The following POF1B variants were observed in gnomAD, a reference collection of about 807,000 sequenced individuals.
The protein encoded by POF1B is POF1B actin binding protein, also known as protein POF1B.
POF1B carries 53 observed loss-of-function variants against 55.3 expected under a neutral mutation model. The ratio of observed to expected loss-of-function variants is 0.96; its 90% CI spans 0.77 to 1.20. The LOEUF (loss-of-function observed/expected upper bound fraction) is 1.20, where lower values mean the gene tolerates loss of function less well. Among genes scored for constraint, POF1B ranks in the 50% most tolerant of loss-of-function variants. POF1B has a pLI of 0.00. For synonymous variants in POF1B, 188 were observed against 148.3 expected, an observed-to-expected ratio of 1.27 and a Z score of -1.95; for missense variants, 478 against 420.5, an observed-to-expected ratio of 1.14 and a Z score of -1.20.
At chrX:85,282,406 T>C (rs1931924676) in intron 15 of POF1B, 89 bp from the exon 16 acceptor site, 1 of 574,047 alleles carries the variant, frequency 1.7e-6, no homozygotes, top group African/African-American at 2.4e-5. Flanking sequence ...TTGCCCTAAT[T>C]AAGCCAATTC....
chrX:85,362,670 C>T (rs137930082), intron 3 of POF1B, among the ~76,000 whole-genome samples: 44 of 111,449 alleles, frequency 3.9e-4, no homozygotes, highest in African/African-American at 1.3e-3. Flanking sequence ...ATTTTTGCAT[C>T]AATGCTCATC....
chrX:85,321,478 C>T (rs1182757308), intron 7 of POF1B, among the ~76,000 whole-genome samples: 1 of 109,027 alleles, frequency 9.2e-6, no homozygotes, highest in Non-Finnish European at 1.9e-5. Context: ...AAACCCACAG[C>T]CAATATCATA....
At chrX:85,297,973 C>T (rs1461352974) in intron 15 of POF1B, among the ~76,000 whole-genome samples, 1 of 112,247 alleles carries the variant, frequency 8.9e-6, no homozygotes, top group Admixed American at 9.4e-5. Flanking sequence ...CTCAGAACTC[C>T]TGAGTGTGTG....
At chrX:85,346,184 AT>A in intron 5 of POF1B, 142 bp from the exon 6 acceptor site, 1 of 442,512 alleles carries the variant, frequency 2.3e-6, no homozygotes, top group Non-Finnish European at 3.4e-6. Context: ...AACTAGTGAT[AT>A]TTTTTCAATT....
intron 5 of POF1B, among the ~76,000 whole-genome samples, chrX:85,349,544 G>T (rs989457411): frequency 9.0e-6 from 1 of 110,574 alleles, no homozygotes; most frequent in Non-Finnish European, 1.9e-5. Context: ...AAATATGACT[G>T]GTGTCCTTAT....
rs770820146 is a variant in POF1B at position 85,367,528 on chromosome X, C to A, written c.357+164G>T. Among the ~76,000 whole-genome samples, 5 of 112,308 alleles carry A rather than the reference C, an allele frequency of 4.5e-5. No homozygotes were observed. In the East Asian group the frequency reaches 1.4e-3, roughly 32 times the overall value. On this transcript the variant is annotated intron_variant, in intron 3 of 16. Coordinates refer to ENST00000262753, the MANE Select transcript of POF1B (RefSeq NM_024921.4). ...ACTTGTTTCACATTACTTTTATGGGCTGAGGTGATACTCATATGTGAGAAT... is the reference window on the plus strand; with the variant it reads ...ACTTGTTTCACATTACTTTTATGGGATGAGGTGATACTCATATGTGAGAAT...
chrX:85,314,524 T>C lies in POF1B; in HGVS notation c.883-18A>G. 8.7e-7 allele frequency: 1 copy of C among 1,148,213 alleles called. No individual in the cohort carries two copies. 94.6% of individuals were successfully genotyped at this position (1,148,213 alleles called of 1,213,427 possible). A position where few individuals can be genotyped will look rare whatever the true frequency, so the allele number is the denominator to read the frequency against. ...TCTTCCGACTGTAAGAAAAAAAGGC[T>C]TATCCATGGAACAGATACATATCAA... On this transcript the variant is annotated intron_variant, in intron 8 of 16. Coordinates refer to ENST00000262753, the MANE Select transcript of POF1B (RefSeq NM_024921.4).
intron 15 of POF1B, among the ~76,000 whole-genome samples, chrX:85,293,439 G>T (rs1436287586): frequency 3.6e-5 from 4 of 111,786 alleles, no homozygotes; most frequent in Admixed American, 1.9e-4. Flanking sequence ...AATACTGCAT[G>T]TTCTCACTTA....
rs753958234 is a variant in POF1B at position 85,363,710 on chromosome X, AATGTATATT to A, written c.357+3973_357+3981del. Among the ~76,000 whole-genome samples, 29 of 111,580 alleles carry A rather than the reference AATGTATATT, an allele frequency of 2.6e-4. No homozygotes were observed. In the South Asian group the frequency reaches 5.3e-3, roughly 20 times the overall value. ...GTATGTGCTACGTGATGATGAGAAG[AATGTATATT>A]ATGCTGTTTTGGAGAGGAGAGTTCC... is the stretch of plus-strand genomic sequence containing the variant. On this transcript the variant is annotated intron_variant, in intron 3 of 16. Transcript: ENST00000262753.
intron 4 of POF1B, among the ~76,000 whole-genome samples, chrX:85,357,619 C>A (rs1933527658): frequency 9.0e-6 from 1 of 110,906 alleles, no homozygotes; most frequent in Admixed American, 9.7e-5. Context: ...AGACGGTTGA[C>A]CACCCCATGT....
intron 14 of POF1B, 40 bp downstream of exon 14, chrX:85,304,303 T>C: frequency 9.0e-7 from 1 of 1,107,673 alleles, no homozygotes; most frequent in South Asian, 2.5e-5. Flanking sequence ...CAGTACTAAG[T>C]TGTATTACTT....
intron 7 of POF1B, among the ~76,000 whole-genome samples, chrX:85,316,071 G>T (rs1480441134): frequency 1.8e-5 from 2 of 111,181 alleles, no homozygotes; most frequent in Admixed American, 1.9e-4. Flanking sequence ...TTGGGTGAAT[G>T]AACAAGAAAA....
At chrX:85,286,861 A>C (rs1230354475) in intron 15 of POF1B, among the ~76,000 whole-genome samples, 4 of 111,427 alleles carry the variant, frequency 3.6e-5, no homozygotes, top group Non-Finnish European at 7.6e-5. Flanking sequence ...CTGAAAGGAG[A>C]AATAAACAAA....
chrX:85,284,466 C>A (rs1308034517), intron 15 of POF1B, among the ~76,000 whole-genome samples: 1 of 111,513 alleles, frequency 9.0e-6, no homozygotes, highest in South Asian at 3.7e-4. Context: ...AAATATAGAC[C>A]AATGGAACAG....
At chrX:85,315,915 T>A (rs1348983879) in intron 7 of POF1B, among the ~76,000 whole-genome samples, 181 bp from the exon 8 acceptor site, 1 of 111,502 alleles carries the variant, frequency 9.0e-6, no homozygotes, top group East Asian at 2.8e-4. Context: ...TGACTAAATT[T>A]TTTTTTCTGG....
rs771497108 is a variant in POF1B, at chrX:85,305,867, T to A, written c.1361A>T (p.Asp454Val). Residue 454 changes from aspartate (D) to valine (V), a missense_variant, in exon 13 of 17, where the codon GAT becomes GTT. Transcript: ENST00000262753. ...CTCCGTGTAGTGGTTGCCAATCTCA[T>A]CCATTTTAGCCTGCAACATTGGGCC... ...CTGPMLQAKM[D>V]EIGNHYTEMV... 6 of 1,210,223 alleles carry A rather than the reference T, an allele frequency of 5.0e-6. No individual in the cohort carries two copies. Among genetic ancestry groups the A allele is most frequent in the Non-Finnish European group, 6.7e-6 (6 of 894,415 alleles).
At chrX:85,314,750 A>G (rs1475419305) in intron 8 of POF1B, among the ~76,000 whole-genome samples, 1 of 112,068 alleles carries the variant, frequency 8.9e-6, no homozygotes, top group Non-Finnish European at 1.9e-5. Flanking sequence ...ACCTTTGGGC[A>G]ACCAATGAGA....
intron 5 of POF1B, among the ~76,000 whole-genome samples, chrX:85,349,282 T>C (rs1487349167): frequency 9.0e-6 from 1 of 111,532 alleles, no homozygotes; most frequent in Admixed American, 9.6e-5. Context: ...TCATAAAAAA[T>C]AAAATGAGTT....
chrX:85,317,922 A>G (rs1454242695), intron 7 of POF1B, among the ~76,000 whole-genome samples: 1 of 111,810 alleles, frequency 8.9e-6, no homozygotes, highest in East Asian at 2.8e-4. Context: ...CTTTGCAGGG[A>G]CATGGATGGA....
Sources: gnomAD v4.1 joint callset for allele counts (sites outside exome capture counted in the v4.1 genomes callset) on GRCh38, gnomAD v4.1.1 for gene constraint, MANE v1.5 for transcripts, NCBI Gene and HGNC (gene_info 2026-07-23, HGNC 2026-07-21) for gene names.